Variants in TICRR observed in about 807,000 individuals in gnomAD.
TICRR encodes TOPBP1 interacting checkpoint and replication regulator, also known as treslin.
A neutral mutation model predicts 178.1 loss-of-function variants in TICRR; 132 were observed. That is an observed-to-expected ratio of 0.74 (90% CI 0.64 to 0.86). The LOEUF is 0.86. Among genes scored for constraint, TICRR ranks in the 40% least tolerant of loss-of-function variants. TICRR has a pLI of 0.00. For missense variants in TICRR, 2,587 were observed against 2,334.3 expected (o/e 1.11, Z -2.23); for synonymous variants, 991 against 900.7 (o/e 1.10, Z -1.79).
chr15:89,615,358 G>C (rs1963318616), intron 15 of TICRR, among the ~76,000 whole-genome samples: 1 of 152,166 alleles, frequency 6.6e-6, no homozygotes, highest in African/African-American at 2.4e-5. Context: ...ATTCTGCCCT[G>C]TCCAGAGGCT....
In TICRR at chr15:89,623,738, C is replaced by A; in HGVS notation, c.3428C>A (p.Ala1143Glu). ...YTPERLQKSPAKMTPTKQAAF... is the reference protein window; with the variant it reads ...YTPERLQKSPEKMTPTKQAAF... ...CCAGAAAGGCTGCAGAAGTCCCCTG[C>A]AAAAATGACCCCTACAAAGCAGGCA... Residue 1143 changes from alanine (A) to glutamate (E), a missense_variant, in exon 20 of 22, where the codon GCA (alanine) becomes GAA (glutamate). By Grantham distance (107) the Ala-to-Glu change is moderately radical. Coordinates refer to ENST00000268138, the MANE Select transcript of TICRR (RefSeq NM_152259.4). 1 of 1,614,002 alleles carries A rather than the reference C, an allele frequency of 6.2e-7. No individual in the cohort carries two copies. Among genetic ancestry groups the A allele is most frequent in the Non-Finnish European group, 8.5e-7 (1 of 1,179,984 alleles).
rs1455624437 is a variant in TICRR, at chr15:89,598,109, TGTTA to T, written c.1901-1211_1901-1208del. Among the ~76,000 whole-genome samples, 89 of 149,088 alleles carry T rather than the reference TGTTA, an allele frequency of 6.0e-4. 1 individual carries two copies. The highest frequency in any genetic ancestry group is 5.9e-3 in the Admixed American group (87 of 14,742). ...ATCCTGCAAATTTGCTATAATCACT[TGTTA>T]GTTCCAGGAGTTTTTTGTTTGTTTG... On this transcript the variant is annotated intron_variant, in intron 7 of 21. Transcript: ENST00000268138.
Position 89,576,169 on chromosome 15 carries a change from AAG to A in TICRR, c.588_589del (p.Arg196SerfsTer22). 1.2e-6 allele frequency: 2 copies of A among 1,603,728 alleles called. No individual in the cohort carries two copies. Among genetic ancestry groups the A allele is most frequent in the Non-Finnish European group, 1.7e-6 (2 of 1,179,816 alleles). Reference sequence around the variant, plus strand: ...GCAGGTGATGGAGAAGTTGTTGCCCAAGAGAGTCCGGGAAGTCATGGTCGCCC... The same window carrying A: ...GCAGGTGATGGAGAAGTTGTTGCCCAAGAGTCCGGGAAGTCATGGTCGCCC... ...PKQVMEKLLPKRVREVMVARK... is the reference protein window; with the variant it reads ...PKQVMEKLLPXRVREVMVARK... On this transcript the variant is annotated frameshift_variant, in exon 1 of 22. Transcript: ENST00000268138. LOFTEE classifies it high-confidence loss of function.
At chr15:89,582,392 A>G (rs1004871704) in intron 1 of TICRR, 7 of 296,862 alleles carry the variant, frequency 2.4e-5, no homozygotes, top group African/African-American at 6.6e-5. Context: ...ACATTTTATG[A>G]TCTATACCCA....
chr15:89,625,244 A>G lies in TICRR; in HGVS notation c.4934A>G (p.Gln1645Arg), dbSNP rs1963498910. 6.2e-7 allele frequency: 1 copy of G among 1,613,630 alleles called. No individual in the cohort carries two copies. Among genetic ancestry groups the G allele is most frequent in the Non-Finnish European group, 8.5e-7 (1 of 1,179,686 alleles). The change falls in exon 20 of 22, where the codon CAG (glutamine) becomes CGG (arginine). Residue 1645 changes from glutamine (Q) to arginine (R), a missense_variant. Gln to Arg is a conservative substitution (Grantham distance 43). Coordinates refer to ENST00000268138, the MANE Select transcript of TICRR (RefSeq NM_152259.4). ...AGCAGGGGGCAAACCTACATCTGCC[A>G]GGCCTGTACCCCCACCCACGGCCCT... ...GKSRGQTYIC[Q>R]ACTPTHGPSS...
rs375691394 is a variant in TICRR at position 89,582,893 on chromosome 15, T to G, written c.862T>G (p.Leu288Val). 7.4e-6 allele frequency: 12 copies of G among 1,614,118 alleles called. No individual in the cohort carries two copies. The African/African-American group carries it at 1.5e-4, about 20-fold the overall frequency. ...MLPTDATLNRLLYNSPEYEAS... is the reference protein window; with the variant it reads ...MLPTDATLNRVLYNSPEYEAS... ...GCCAACTGATGCCACTTTAAACCGT[T>G]TGCTCTACAATTCTCCTGAGTATGA... Residue 288 changes from leucine to valine, a missense_variant, in exon 2 of 22, where the codon TTG becomes GTG. Transcript: ENST00000268138.
intron 15 of TICRR, among the ~76,000 whole-genome samples, chr15:89,613,731 T>G (rs1225086383): frequency 1.5e-5 from 2 of 137,320 alleles, no homozygotes; most frequent in African/African-American, 2.7e-5. Context: ...GAATTTCTAT[T>G]CGCTTTTTTT....
chr15:89,604,789 A>AAAG (rs71151516), intron 13 of TICRR, among the ~76,000 whole-genome samples: 1 of 147,294 alleles, frequency 6.8e-6, no homozygotes, highest in Non-Finnish European at 1.5e-5. Context: ...AAAAAAAAAA[A>AAAG]TTGAGGTCAG....
chr15:89,625,629 G>A lies in TICRR; in HGVS notation c.5319G>A (p.Arg1773=), dbSNP rs771902491. 6.2e-7 allele frequency: 1 copy of A among 1,613,438 alleles called. No homozygotes were observed. Among genetic ancestry groups the A allele is most frequent in the Non-Finnish European group, 8.5e-7 (1 of 1,180,014 alleles). Residue 1773 remains arginine (R), a synonymous_variant, in exon 20 of 22, where the codon AGG becomes AGA. Transcript: ENST00000268138. ...SSWGQFGLSS[R]KRVLLAKEEA... ...GGGGACAGTTTGGGTTGAGTTCCAG[G>A]AAGAGAGTCCTGTTGGCCAAGGAAG...
intron 12 of TICRR, among the ~76,000 whole-genome samples, chr15:89,602,467 C>T (rs1339403840): frequency 1.3e-5 from 2 of 152,094 alleles, no homozygotes; most frequent in African/African-American, 2.4e-5. Flanking sequence ...TTGAAGGAAA[C>T]ATTGCATGAC....
chr15:89,601,037 C>G (rs1010597517), intron 9 of TICRR, among the ~76,000 whole-genome samples: 1 of 129,970 alleles, frequency 7.7e-6, no homozygotes, highest in African/African-American at 3.0e-5. Context: ...CAGAGCAAGA[C>G]CCTGTCTCAG....
chr15:89,620,307 C>T (rs1446736726), intron 18 of TICRR, among the ~76,000 whole-genome samples: 1 of 152,164 alleles, frequency 6.6e-6, no homozygotes, highest in Non-Finnish European at 1.5e-5. Flanking sequence ...CTCCCAGGCT[C>T]AGGTGATCCT....
intron 1 of TICRR, among the ~76,000 whole-genome samples, chr15:89,577,640 G>A (rs1407802248): frequency 1.8e-4 from 19 of 103,108 alleles, no homozygotes; most frequent in African/African-American, 7.0e-4. Context: ...ACAGAGTCTC[G>A]CTTTGTCACC....
Position 89,601,963 on chromosome 15 carries a change from G to T in TICRR, c.2554G>T (p.Ala852Ser). 1 of 1,614,100 alleles carries T rather than the reference G, an allele frequency of 6.2e-7. No homozygotes were observed. Among genetic ancestry groups the T allele is most frequent in the Non-Finnish European group, 8.5e-7 (1 of 1,180,006 alleles). ...ACTGCAGGAACTTCGTACCAGATCA[G>T]CCAAGAAGAGAAGGTAAGAGGTCAA... is the stretch of plus-strand genomic sequence containing the variant. ...DELQELRTRS[A>S]KKRRKNALIR... Residue 852 changes from alanine (A) to serine (S), a missense_variant, in exon 12 of 22, where the codon GCC (alanine) becomes TCC (serine). Transcript: ENST00000268138.
At chr15:89,611,367 TC>T (rs1436861002) in intron 15 of TICRR, among the ~76,000 whole-genome samples, 1 of 152,224 alleles carries the variant, frequency 6.6e-6, no homozygotes, top group East Asian at 1.9e-4. Context: ...CAACTATTAA[TC>T]TTATTAAGCT....
intron 12 of TICRR, 62 bp downstream of exon 12, chr15:89,602,038 T>C: frequency 1.3e-6 from 2 of 1,586,404 alleles, no homozygotes; most frequent in Non-Finnish European, 1.7e-6. Flanking sequence ...AAAGATGTGT[T>C]TAAACTACAG....
chr15:89,609,583 T>G (rs1455778176), intron 15 of TICRR, among the ~76,000 whole-genome samples: 1 of 152,088 alleles, frequency 6.6e-6, no homozygotes, highest in Non-Finnish European at 1.5e-5. Context: ...CAAGCGCTTC[T>G]CCTACCTCAG....
rs772911593 is a variant in TICRR, at chr15:89,623,760, G to C, written c.3450G>C (p.Gln1150His). The C allele has an allele frequency of 1.9e-6, 3 of 1,613,810 alleles. No individual in the cohort carries two copies. In the African/African-American group the frequency reaches 4.0e-5, roughly 22 times the overall value. Reference protein sequence around the residue: ...KSPAKMTPTKQAAFKESLKDS... With the variant: ...KSPAKMTPTKHAAFKESLKDS... The stretch of plus-strand genomic sequence containing the variant: ...CTGCAAAAATGACCCCTACAAAGCA[G>C]GCAGCTTTTAAGGAGTCCTTAAAAG... Residue 1150 changes from glutamine (Q) to histidine (H), a missense_variant, in exon 20 of 22, where the codon CAG becomes CAC. Coordinates refer to ENST00000268138, the MANE Select transcript of TICRR (RefSeq NM_152259.4).
chr15:89,580,653 TTTTG>T (rs1041458007), intron 1 of TICRR, among the ~76,000 whole-genome samples: 1 of 152,232 alleles, frequency 6.6e-6, no homozygotes, highest in African/African-American at 2.4e-5. Flanking sequence ...GGGATCTTTT[TTTTG>T]TTTGTTTTTA....
Sources: allele counts gnomAD v4.1 joint callset (sites outside exome capture counted in the v4.1 genomes callset), GRCh38; gene constraint gnomAD v4.1.1; transcripts MANE v1.5; gene names NCBI Gene and HGNC (gene_info 2026-07-23, HGNC 2026-07-21).